Variants in STK10 observed in about 807,000 individuals in gnomAD.
STK10 encodes the protein serine/threonine kinase 10, also known as serine/threonine-protein kinase 10.
STK10 carries 78 observed loss-of-function variants against 113.8 expected under a neutral mutation model. The observed-to-expected ratio is 0.69, with a 90% CI of 0.57 to 0.83. The LOEUF (loss-of-function observed/expected upper bound fraction) is 0.83, where lower values mean the gene tolerates loss of function less well. STK10 is among the 40% of genes least tolerant of loss of function. The probability of loss-of-function intolerance (pLI) is 0.00; values close to 1 mark genes in which losing one functional copy is unlikely to be tolerated. For missense variants in STK10, 1,109 were observed against 1,280.1 expected (o/e 0.87, Z 2.04); for synonymous variants, 465 against 494.7 (o/e 0.94, Z 0.80).
At chr5:172,174,614 A>T (rs1770720772) in intron 1 of STK10, among the ~76,000 whole-genome samples, 1 of 152,160 alleles carries the variant, frequency 6.6e-6, no homozygotes, top group African/African-American at 2.4e-5. Context: ...AACACAAGAG[A>T]ATCCCAGTTT....
At chr5:172,181,040 G>A (rs916034494) in intron 1 of STK10, among the ~76,000 whole-genome samples, 2 of 152,146 alleles carry the variant, frequency 1.3e-5, no homozygotes, top group African/African-American at 4.8e-5. Context: ...GGTGTTGAAG[G>A]AATGCACAAA....
chr5:172,105,658 CCAGCAGCTGCGCGG>C lies in STK10; in HGVS notation c.854_867del (p.Ala285GlyfsTer11). The C allele has an allele frequency of 2.5e-6, 4 of 1,613,796 alleles. No homozygotes were observed. The highest frequency in any genetic ancestry group is 3.4e-6 in the Non-Finnish European group (4 of 1,180,008). The stretch of plus-strand genomic sequence containing the variant: ...GAGTGGGAGGGGAATCCACTCACCT[CCAGCAGCTGCGCGG>C]CACTGGGTCGGGTTTCTGGGTTCTT... On this transcript the variant is annotated frameshift_variant, in exon 7 of 19. Transcript: ENST00000176763. LOFTEE classifies it high-confidence loss of function.
intron 2 of STK10, among the ~76,000 whole-genome samples, chr5:172,135,747 C>G (rs1382681728): frequency 6.6e-6 from 1 of 152,108 alleles, no homozygotes; most frequent in African/African-American, 2.4e-5. Flanking sequence ...AAGTTAAAAA[C>G]TCAAATTATG....
intron 12 of STK10, among the ~76,000 whole-genome samples, chr5:172,077,993 G>C (rs1408084585): frequency 3.1e-5 from 3 of 96,640 alleles, no homozygotes; most frequent in Non-Finnish European, 6.3e-5. Context: ...CACCTGGTGG[G>C]GGGGGTCTCG....
intron 7 of STK10, among the ~76,000 whole-genome samples, chr5:172,102,559 C>T (rs1166163560): frequency 6.6e-6 from 1 of 151,940 alleles, no homozygotes; most frequent in African/African-American, 2.4e-5. Context: ...CAAAGGGGGG[C>T]GAGCAAAGGC....
At chr5:172,052,804 C>T (rs1485835250) in intron 18 of STK10, 125 bp downstream of exon 18, 2 of 856,712 alleles carry the variant, frequency 2.3e-6, no homozygotes. Context: ...GGCTGGAGAT[C>T]CATTTGATGG....
chr5:172,048,113 G>A (rs1275110336), intron 18 of STK10, among the ~76,000 whole-genome samples: 1 of 152,032 alleles, frequency 6.6e-6, no homozygotes, highest in African/African-American at 2.4e-5. Flanking sequence ...GCAAGGCCAC[G>A]GTATCCACCT....
chr5:172,070,646 T>A (rs995577385), intron 12 of STK10, among the ~76,000 whole-genome samples: 2 of 151,612 alleles, frequency 1.3e-5, no homozygotes, highest in Non-Finnish European at 2.9e-5. Context: ...ATCAATAACA[T>A]TGAAAAGAGA....
At chr5:172,085,767 G>A (rs914091560) in intron 10 of STK10, among the ~76,000 whole-genome samples, 1 of 151,950 alleles carries the variant, frequency 6.6e-6, no homozygotes, top group Non-Finnish European at 1.5e-5. Context: ...AACTACTACA[G>A]AAAGAACCTA....
intron 3 of STK10, among the ~76,000 whole-genome samples, chr5:172,118,160 A>G (rs567047956): frequency 6.6e-6 from 1 of 152,266 alleles, no homozygotes; most frequent in South Asian, 2.1e-4. Flanking sequence ...TTTACAGATG[A>G]GGAAATTGAG....
intron 18 of STK10, among the ~76,000 whole-genome samples, chr5:172,046,384 A>T (rs1405620893): frequency 1.3e-5 from 2 of 151,810 alleles, no homozygotes. Flanking sequence ...TTTTTTTTAC[A>T]TCACTATGTT....
At chr5:172,086,862 T>G (rs1768573840) in intron 10 of STK10, among the ~76,000 whole-genome samples, 1 of 152,158 alleles carries the variant, frequency 6.6e-6, no homozygotes, top group Non-Finnish European at 1.5e-5. Flanking sequence ...ACACAGCTGC[T>G]CTGCTCAGGA....
At chr5:172,135,130 A>C (rs1383626816) in intron 2 of STK10, among the ~76,000 whole-genome samples, 2 of 152,194 alleles carry the variant, frequency 1.3e-5, no homozygotes, top group African/African-American at 2.4e-5. Flanking sequence ...GCATATGAAA[A>C]GATGCTCAAC....
intron 1 of STK10, among the ~76,000 whole-genome samples, chr5:172,176,508 T>C (rs1027447330): frequency 1.3e-5 from 2 of 152,076 alleles, no homozygotes; most frequent in Non-Finnish European, 2.9e-5. Context: ...TGGCCCAGCC[T>C]CCATTCAGCA....
chr5:172,175,682 C>A (rs539366407), intron 1 of STK10, among the ~76,000 whole-genome samples: 12 of 152,316 alleles, frequency 7.9e-5, no homozygotes, highest in African/African-American at 2.6e-4. Flanking sequence ...TTCCTGGGCA[C>A]AGAGACCACA....
chr5:172,108,449 C>G (rs1230806588), intron 4 of STK10, among the ~76,000 whole-genome samples: 8 of 152,048 alleles, frequency 5.3e-5, no homozygotes. Context: ...AACCCAGTCT[C>G]TACTAAAAAT....
chr5:172,108,682 G>T (rs1326342819), intron 4 of STK10, among the ~76,000 whole-genome samples: 1 of 151,828 alleles, frequency 6.6e-6, no homozygotes. Context: ...TTACTTGGGA[G>T]GCTGAGGTGG....
chr5:172,151,292 G>C (rs903782540), intron 2 of STK10, among the ~76,000 whole-genome samples: 3 of 152,078 alleles, frequency 2.0e-5, no homozygotes, highest in African/African-American at 4.8e-5. Flanking sequence ...GAGACGGATT[G>C]CGAACCTGCA....
In STK10 at chr5:172,106,830, G is replaced by T. The variant is rs1263802622; in HGVS notation, c.594-16C>A. The T allele has an allele frequency of 6.2e-7, 1 of 1,610,896 alleles. No individual in the cohort carries two copies. Among genetic ancestry groups the T allele is most frequent in the Non-Finnish European group, 8.5e-7 (1 of 1,177,844 alleles). ...GGGGGCCATCCTGAACCAACCAAGG[G>T]ACAACATAGGGCTAAGAATCTGGCC... is the stretch of plus-strand genomic sequence containing the variant. On this transcript the variant is annotated splice_polypyrimidine_tract_variant and intron_variant, in intron 5 of 18. Transcript: ENST00000176763.
Sources: allele counts gnomAD v4.1 joint callset (sites outside exome capture counted in the v4.1 genomes callset), GRCh38; gene constraint gnomAD v4.1.1; transcripts MANE v1.5; gene names NCBI Gene and HGNC (gene_info 2026-07-23, HGNC 2026-07-21).